COL5A1: variants seen among roughly 807,000 people sequenced by gnomAD.
COL5A1 encodes the protein collagen alpha-1(V) chain.
Under a neutral mutation model 263.7 loss-of-function variants are expected in COL5A1, and 16 were observed. The observed-to-expected ratio is 0.06, with a 90% CI of 0.04 to 0.09. The LOEUF (loss-of-function observed/expected upper bound fraction) is 0.09. Ranked by LOEUF, COL5A1 falls within the 10% of genes least tolerant of loss-of-function variation. The pLI is 1.00. For missense variants in COL5A1, 2,036 were observed against 2,540.5 expected, an observed-to-expected ratio of 0.80 and a Z score of 4.27; for synonymous variants, 1,012 against 1,004.5, an observed-to-expected ratio of 1.01 and a Z score of -0.14.
intron 49 of COL5A1, 72 bp from the exon 50 acceptor site, chr9:134,814,725 G>T: frequency 2.6e-6 from 3 of 1,160,456 alleles, no homozygotes; most frequent in Non-Finnish European, 3.8e-6. Context: ...TGAGAAAACC[G>T]GGGAGGCCCA....
intron 32 of COL5A1, among the ~76,000 whole-genome samples, chr9:134,792,317 C>T (rs1225384306): frequency 6.6e-6 from 1 of 152,184 alleles, no homozygotes; most frequent in East Asian, 1.9e-4. Flanking sequence ...GGGGACCATT[C>T]CAAGGGTTGA....
intron 28 of COL5A1, 23 bp downstream of exon 28, chr9:134,780,169 G>A (rs751334079): frequency 8.1e-5 from 131 of 1,612,410 alleles, no homozygotes; most frequent in Non-Finnish European, 1.0e-4. Context: ...TTGCAGCCAC[G>A]GGGCCCCCTG....
chr9:134,797,352 G>T (rs1385190532), intron 36 of COL5A1, among the ~76,000 whole-genome samples: 4 of 152,202 alleles, frequency 2.6e-5, no homozygotes, highest in Non-Finnish European at 4.4e-5. Flanking sequence ...GGGAGATGGG[G>T]TACCAGGCCT....
intron 4 of COL5A1, among the ~76,000 whole-genome samples, chr9:134,723,219 G>GCTGTCCTGAGGCACCA (rs933671014): frequency 6.6e-6 from 1 of 152,170 alleles, no homozygotes; most frequent in Non-Finnish European, 1.5e-5. Context: ...TTCCTGCACC[G>GCTGTCCTGAGGCACCA]CTGTCCTGAG....
At chr9:134,820,263 G>A (rs1564482559) in intron 58 of COL5A1, 40 bp downstream of exon 58, 2 of 1,536,562 alleles carry the variant, frequency 1.3e-6, no homozygotes, top group Non-Finnish European at 1.8e-6. Context: ...GCTGTCGAGA[G>A]GCATTTTAGA....
intron 1 of COL5A1, chr9:134,649,554 G>A: frequency 2.1e-6 from 1 of 466,336 alleles, no homozygotes; most frequent in Non-Finnish European, 4.4e-6. Flanking sequence ...CAGGACCTCG[G>A]CAATAGGGTT....
intron 1 of COL5A1, among the ~76,000 whole-genome samples, chr9:134,669,697 A>G (rs1170669968): frequency 3.3e-5 from 5 of 152,060 alleles, no homozygotes; most frequent in African/African-American, 1.2e-4. Context: ...GCTTTTTAAG[A>G]GTTATGAGAG....
intron 11 of COL5A1, among the ~76,000 whole-genome samples, chr9:134,740,387 C>G (rs564097463): frequency 6.6e-6 from 1 of 152,236 alleles, no homozygotes; most frequent in African/African-American, 2.4e-5. Flanking sequence ...GGCCAAGCTC[C>G]TCCTCCGCAG....
chr9:134,772,507 A>G (rs1437861302), intron 25 of COL5A1, among the ~76,000 whole-genome samples: 1 of 152,118 alleles, frequency 6.6e-6, no homozygotes, highest in African/African-American at 2.4e-5. Flanking sequence ...GGGTTGCTGC[A>G]TACTCCCCGC....
rs1472444764 is a variant in COL5A1, at chr9:134,742,705, C to T, written c.1494+3897C>T. On this transcript the variant is annotated intron_variant, in intron 11 of 65. Coordinates refer to ENST00000371817, the MANE Select transcript of COL5A1 (RefSeq NM_000093.5). The surrounding 1 kb of genome is among the most constrained non-coding windows in gnomAD (Gnocchi z 4.6). ...CTGGCTTCTGTGCCACCTGCCAGTG[C>T]GTTTCTGTAGGGGCTGACTCTTTTG... Among the ~76,000 whole-genome samples the T allele has an allele frequency of 3.9e-5, 6 of 152,156 alleles. No homozygotes were observed. The highest frequency in any genetic ancestry group is 3.3e-4 in the Admixed American group (5 of 15,282).
At chr9:134,719,005 C>T (rs151137546) in intron 4 of COL5A1, among the ~76,000 whole-genome samples, 3 of 152,284 alleles carry the variant, frequency 2.0e-5, no homozygotes, top group Non-Finnish European at 2.9e-5. Context: ...CGGGCACAGG[C>T]GGTGCACGCT....
At chr9:134,748,779 G>A (rs1269656002) in intron 11 of COL5A1, among the ~76,000 whole-genome samples, 1 of 152,178 alleles carries the variant, frequency 6.6e-6, no homozygotes, top group Non-Finnish European at 1.5e-5. Context: ...GGCAGTGTTT[G>A]TCATAATGCA....
chr9:134,822,823 C>T (rs1372006724), intron 59 of COL5A1, 175 bp from the exon 60 acceptor site: 5 of 766,420 alleles, frequency 6.5e-6, no homozygotes, highest in Non-Finnish European at 1.1e-5. Context: ...GGGTGAGCAC[C>T]AGCCAGGCCC....
chr9:134,824,152 C>T (rs1839154133), intron 61 of COL5A1, among the ~76,000 whole-genome samples: 1 of 152,298 alleles, frequency 6.6e-6, no homozygotes, highest in South Asian at 2.1e-4. Context: ...CAACTCCCAT[C>T]GTCATCTTAG....
intron 63 of COL5A1, 90 bp from the exon 64 acceptor site, chr9:134,829,882 GGGCC>G (rs1307877734): frequency 2.1e-6 from 3 of 1,400,596 alleles, no homozygotes; most frequent in Non-Finnish European, 3.0e-6. Context: ...GCAGGCGCGG[GGGCC>G]GGGAAAGCCT....
intron 4 of COL5A1, among the ~76,000 whole-genome samples, chr9:134,704,567 C>T (rs7872458): frequency 0.84 from 128,500 of 152,174 alleles, 54,395 homozygotes; most frequent in Admixed American, 0.89. Flanking sequence ...ATTCTGTGTT[C>T]CTGGTGAGCC....
intron 1 of COL5A1, among the ~76,000 whole-genome samples, chr9:134,683,066 C>CT (rs2132534205): frequency 6.6e-6 from 1 of 152,372 alleles, no homozygotes; most frequent in East Asian, 1.9e-4. Context: ...ACCCTCCCCT[C>CT]TGTTCACAGC....
intron 39 of COL5A1, 46 bp from the exon 40 acceptor site, chr9:134,804,929 C>T (rs1452622694): frequency 6.5e-7 from 1 of 1,544,574 alleles, no homozygotes; most frequent in Non-Finnish European, 8.9e-7. Flanking sequence ...GGTGAGAGGT[C>T]TGCGTCACTG....
chr9:134,720,761 T>C (rs1398367629), intron 4 of COL5A1, among the ~76,000 whole-genome samples: 1 of 152,104 alleles, frequency 6.6e-6, no homozygotes, highest in Non-Finnish European at 1.5e-5. Context: ...GCCTGGCTGG[T>C]AGGTGGCTGG....
Sources: gnomAD v4.1 joint callset for allele counts (sites outside exome capture counted in the v4.1 genomes callset) on GRCh38, gnomAD v4.1.1 for gene constraint, Gnocchi (gnomAD v3.1) non-coding constraint, MANE v1.5 for transcripts, NCBI Gene and HGNC (gene_info 2026-07-23, HGNC 2026-07-21) for gene names.